Variants in GALNT17 observed in about 807,000 individuals in gnomAD.
GALNT17 encodes polypeptide N-acetylgalactosaminyltransferase 17, also known as UDP-GalNAc:polypeptide N-acetylgalactosaminyltransferase-like 3.
GALNT17 carries 29 observed loss-of-function variants against 63.7 expected under a neutral mutation model. That is an observed-to-expected ratio of 0.46 (90% CI 0.34 to 0.62). The LOEUF (loss-of-function observed/expected upper bound fraction) is 0.62, where lower values mean the gene tolerates loss of function less well. Among genes scored for constraint, GALNT17 ranks in the 20% least tolerant of loss-of-function variants. The pLI is 0.01. For synonymous variants in GALNT17, 305 were observed against 318.3 expected, an observed-to-expected ratio of 0.96 and a Z score of 0.45; for missense variants, 603 against 799.6, an observed-to-expected ratio of 0.75 and a Z score of 2.97.
At chr7:71,455,682 C>T (rs1787342583) in intron 5 of GALNT17, among the ~76,000 whole-genome samples, 1 of 152,126 alleles carries the variant, frequency 6.6e-6, no homozygotes, top group African/African-American at 2.4e-5. Context: ...GCTCATAGTC[C>T]ACACTCCCCA....
chr7:71,140,927 G>A (rs1021095030), intron 1 of GALNT17, among the ~76,000 whole-genome samples: 1 of 151,880 alleles, frequency 6.6e-6, no homozygotes, highest in Non-Finnish European at 1.5e-5. Context: ...AGGCTGAGGT[G>A]GGAGGAACGC....
chr7:71,456,948 G>C (rs997080130), intron 5 of GALNT17, among the ~76,000 whole-genome samples: 1 of 152,144 alleles, frequency 6.6e-6, no homozygotes, highest in Non-Finnish European at 1.5e-5. Flanking sequence ...ACTCGAAGCG[G>C]GGGGTTCCAG....
intron 1 of GALNT17, among the ~76,000 whole-genome samples, chr7:71,215,874 G>A (rs1057438338): frequency 2.0e-5 from 3 of 152,066 alleles, no homozygotes; most frequent in African/African-American, 7.3e-5. Flanking sequence ...TAGGTCATAC[G>A]TATTGATATT....
intron 1 of GALNT17, among the ~76,000 whole-genome samples, chr7:71,333,134 A>G (rs1252003813): frequency 1.3e-5 from 2 of 152,250 alleles, no homozygotes; most frequent in Non-Finnish European, 2.9e-5. Flanking sequence ...TATACATATT[A>G]ACAGTCACTG....
At chr7:71,385,472 G>C (rs780694145) in intron 2 of GALNT17, among the ~76,000 whole-genome samples, 5 of 152,208 alleles carry the variant, frequency 3.3e-5, no homozygotes, top group Non-Finnish European at 7.3e-5. Context: ...CAGGACTTTT[G>C]CAAGGCCTAG....
intron 1 of GALNT17, among the ~76,000 whole-genome samples, chr7:71,240,980 A>G (rs889481804): frequency 5.9e-5 from 9 of 151,796 alleles, no homozygotes; most frequent in African/African-American, 2.2e-4. Flanking sequence ...TATCCAGTCC[A>G]CTGTTGATGG....
At position 71,446,371 on chromosome 7, in the gene GALNT17, C is replaced by T. The variant is rs966149006; in HGVS notation, c.962+25266C>T. On this transcript the variant is annotated intron_variant, in intron 5 of 10. Transcript: ENST00000333538. ...AATCACTGATAATCATAACACCCAACGATAACCATAACCAATGTTAATATT... is the reference window on the plus strand; with the variant it reads ...AATCACTGATAATCATAACACCCAATGATAACCATAACCAATGTTAATATT... 1.1e-4 allele frequency among the ~76,000 whole-genome samples: 16 copies of T among 152,206 alleles called. No homozygotes were observed. The South Asian group carries it at 1.2e-3, about 12-fold the overall frequency.
At chr7:71,499,379 A>G (rs1183300842) in intron 5 of GALNT17, among the ~76,000 whole-genome samples, 1 of 152,192 alleles carries the variant, frequency 6.6e-6, no homozygotes, top group African/African-American at 2.4e-5. Flanking sequence ...TGGGCAACAT[A>G]GCGAGACCTC....
rs539230986 is a variant in GALNT17, at chr7:71,201,893, A to G, written c.238+68853A>G. ...GGTGATCCACCCGCCTCTGCCTCCC[A>G]GAGTGCTGGGATTACAGGCGTGAGC... On this transcript the variant is annotated intron_variant, in intron 1 of 10. Coordinates refer to ENST00000333538, the MANE Select transcript of GALNT17 (RefSeq NM_022479.3). Among the ~76,000 whole-genome samples the G allele has an allele frequency of 2.4e-3, 368 of 152,244 alleles. 4 individuals carry two copies. Among genetic ancestry groups the G allele is most frequent in the East Asian group, 4.4e-3 (23 of 5,170 alleles).
intron 6 of GALNT17, among the ~76,000 whole-genome samples, chr7:71,581,407 G>A (rs926984162): frequency 5.9e-5 from 9 of 152,030 alleles, no homozygotes; most frequent in African/African-American, 1.9e-4. Context: ...TGATCCACCC[G>A]CCTTGGCCTC....
chr7:71,588,153 T>C (rs867544418), intron 6 of GALNT17, among the ~76,000 whole-genome samples: 1 of 152,244 alleles, frequency 6.6e-6, no homozygotes, highest in African/African-American at 2.4e-5. Flanking sequence ...TTTGTTTTTT[T>C]AGAAAGAGTA....
intron 5 of GALNT17, among the ~76,000 whole-genome samples, chr7:71,434,985 A>G (rs1424384815): frequency 6.6e-6 from 1 of 152,176 alleles, no homozygotes; most frequent in African/African-American, 2.4e-5. Context: ...TGTTGCTTCC[A>G]TTGAGGGAAT....
chr7:71,483,668 A>G (rs762094789), intron 5 of GALNT17, among the ~76,000 whole-genome samples: 15 of 151,894 alleles, frequency 9.9e-5, no homozygotes, highest in South Asian at 4.2e-4. Context: ...CAATTCTTAT[A>G]CTAATTTATT....
At chr7:71,185,047 C>CCTCCTCCTCCTCCTTCTGCTTCTTTTT (rs1788819507) in intron 1 of GALNT17, among the ~76,000 whole-genome samples, 1 of 89,556 alleles carries the variant, frequency 1.1e-5, no homozygotes, top group Non-Finnish European at 1.9e-5. Context: ...TCTTCCTCCC[C>CCTCCTCCTCCTCCTTCTGCTTCTTTTT]CTCCTCCTCC....
intron 6 of GALNT17, among the ~76,000 whole-genome samples, chr7:71,609,181 A>G (rs552678563): frequency 1.3e-5 from 2 of 152,252 alleles, no homozygotes; most frequent in Non-Finnish European, 2.9e-5. Flanking sequence ...ATACCAAAGG[A>G]TGTGCCTTTT....
chr7:71,465,203 A>T (rs1490566338), intron 5 of GALNT17, among the ~76,000 whole-genome samples: 1 of 152,210 alleles, frequency 6.6e-6, no homozygotes, highest in Non-Finnish European at 1.5e-5. Flanking sequence ...TTCACATAAC[A>T]TGCTTACTTG....
chr7:71,251,915 G>A (rs1310282231), intron 1 of GALNT17, among the ~76,000 whole-genome samples: 1 of 152,142 alleles, frequency 6.6e-6, no homozygotes, highest in Non-Finnish European at 1.5e-5. Flanking sequence ...ATGAGGACTT[G>A]TTTGGTTAAA....
At chr7:71,542,048 A>G (rs117983641) in intron 5 of GALNT17, among the ~76,000 whole-genome samples, 340 of 152,304 alleles carry the variant, frequency 2.2e-3, no homozygotes, top group Middle Eastern at 0.014. Context: ...GCGATGATAC[A>G]AAATGGGGAA....
intron 4 of GALNT17, among the ~76,000 whole-genome samples, chr7:71,419,427 C>T (rs1300683453): frequency 6.6e-6 from 1 of 152,142 alleles, no homozygotes; most frequent in Admixed American, 6.5e-5. Flanking sequence ...TGAAATATTT[C>T]GAATGGCCCC....
Sources: gnomAD v4.1 joint callset for allele counts (sites outside exome capture counted in the v4.1 genomes callset) on GRCh38, gnomAD v4.1.1 for gene constraint, MANE v1.5 for transcripts, NCBI Gene and HGNC (gene_info 2026-07-23, HGNC 2026-07-21) for gene names.